Variants in PACRGL observed in about 807,000 individuals in gnomAD.
The protein encoded by PACRGL is parkin coregulated like.
A neutral mutation model predicts 34.5 loss-of-function variants in PACRGL; 38 were observed. The observed-to-expected ratio is 1.10, with a 90% confidence interval of 0.85 to 1.44. The LOEUF (loss-of-function observed/expected upper bound fraction) is 1.44, where lower values mean the gene tolerates loss of function less well. PACRGL is among the 40% of genes most tolerant of loss of function. The pLI is 0.00. For missense variants in PACRGL, 305 were observed against 281.4 expected (o/e 1.08, Z -0.60); for synonymous variants, 128 against 100.1 (o/e 1.28, Z -1.66).
chr4:20,743,906 A>G (rs1751780599), intron 8 of PACRGL, among the ~76,000 whole-genome samples: 1 of 151,288 alleles, frequency 6.6e-6, no homozygotes, highest in Admixed American at 6.6e-5. Context: ...TCTACAAAGA[A>G]ATTAAATTTA....
rs35039845 is a variant in PACRGL, at chr4:20,708,965, TAA to T, written c.276-702_276-701del. On this transcript the variant is annotated intron_variant, in intron 4 of 8. Coordinates refer to ENST00000503585, the MANE Select transcript of PACRGL (RefSeq NM_001258345.3). ...AACATGGAGGAACCCCATCTCTACT[TAA>T]AAAAAAAAAAAAAAATACAAAATTA... 9.8e-4 allele frequency among the ~76,000 whole-genome samples: 138 copies of T among 140,696 alleles called. 1 individual carries two copies. Among genetic ancestry groups the T allele is most frequent in the Non-Finnish European group, 1.3e-3 (82 of 64,726 alleles). 92.3% of individuals were successfully genotyped at this position (140,696 alleles called of 152,430 possible).
intron 8 of PACRGL, among the ~76,000 whole-genome samples, chr4:20,751,838 T>G (rs1271422914): frequency 6.6e-6 from 1 of 152,208 alleles, no homozygotes; most frequent in African/African-American, 2.4e-5. Flanking sequence ...CTTCTAAATG[T>G]GCCTCTGCAG....
Position 20,712,801 on chromosome 4 carries a change from C to CT in PACRGL, c.381dup (p.Lys128Ter), listed in dbSNP as rs1737937449. ...GGTCTTTGTCAGGGTCTGAGAGAGA[C>CT]TAAGCATCCATACACTTTTGTGTCA... is the stretch of plus-strand genomic sequence containing the variant. On this transcript the variant is annotated frameshift_variant, in exon 6 of 9. Transcript: ENST00000503585. LOFTEE classifies it high-confidence loss of function. 1 of 1,573,564 alleles carries CT rather than the reference C, an allele frequency of 6.4e-7. No individual in the cohort carries two copies.
In PACRGL at chr4:20,713,165, A is replaced by G. The variant is rs3815872; in HGVS notation, c.501+243A>G. 159,300 of 533,376 alleles carry G rather than the reference A, an allele frequency of 0.3. 25,393 individuals carry two copies. Among genetic ancestry groups the G allele is most frequent in the African/African-American group, 0.43 (22,490 of 51,994 alleles). The allele number at this position is 533,376 out of a possible 1,614,324, so 33.0% of individuals were successfully genotyped here. A position where few individuals can be genotyped will look rare whatever the true frequency, so the allele number is the denominator to read the frequency against. On this transcript the variant is annotated intron_variant, in intron 6 of 8. Coordinates refer to ENST00000503585, the MANE Select transcript of PACRGL (RefSeq NM_001258345.3). ...AGGGACATTTTAAGTAATTAGAGGA[A>G]GTAATGAACCTCAAATCAGCCTTTC...
intron 7 of PACRGL, among the ~76,000 whole-genome samples, chr4:20,715,231 C>T (rs1018216485): frequency 1.3e-5 from 2 of 152,116 alleles, no homozygotes; most frequent in Admixed American, 6.6e-5. Context: ...AATGAGAACA[C>T]ATGGACACAG....
intron 8 of PACRGL, among the ~76,000 whole-genome samples, chr4:20,738,063 G>A (rs564479782): frequency 7.2e-5 from 11 of 151,742 alleles, no homozygotes; most frequent in South Asian, 4.2e-4. Context: ...CCAGAAGGTC[G>A]AGGCTACAGT....
chr4:20,727,347 G>A lies in PACRGL; in HGVS notation c.*6G>A, dbSNP rs752450725. On this transcript the variant is annotated 3_prime_UTR_variant, in exon 9 of 9. Transcript: ENST00000503585. ...ACTGCTCCATATGCTGTTGAAGAAG[G>A]GAGCCAACAAAAATTGTTTTTTCTA... The A allele has an allele frequency of 6.8e-6, 11 of 1,609,108 alleles. No individual in the cohort carries two copies. Among genetic ancestry groups the A allele is most frequent in the Admixed American group, 3.3e-5 (2 of 59,882 alleles).
intron 7 of PACRGL, among the ~76,000 whole-genome samples, chr4:20,722,410 C>T (rs181453109): frequency 1.3e-5 from 2 of 152,308 alleles, no homozygotes; most frequent in Admixed American, 6.5e-5. Context: ...CTGTGTTTTG[C>T]GTCACTCACG....
chr4:20,743,494 A>G (rs1217077197), intron 8 of PACRGL, among the ~76,000 whole-genome samples: 3 of 152,218 alleles, frequency 2.0e-5, no homozygotes, highest in Non-Finnish European at 4.4e-5. Flanking sequence ...ATCTTTGACA[A>G]ACCTGACAGA....
At chr4:20,712,679 A>G in intron 5 of PACRGL, 109 bp from the exon 6 acceptor site, 1 of 995,188 alleles carries the variant, frequency 1.0e-6, no homozygotes, top group Non-Finnish European at 1.4e-6. Context: ...TGATTAGGAA[A>G]ACAATAATGA....
chr4:20,734,788 C>CAA, downstream of PACRGL: 1 of 919,486 alleles, frequency 1.1e-6, no homozygotes, highest in South Asian at 1.7e-5. Context: ...AAAACAAAAA[C>CAA]AAAAAAAACA....
intron 8 of PACRGL, among the ~76,000 whole-genome samples, chr4:20,743,419 G>A (rs1404421377): frequency 1.3e-5 from 2 of 152,092 alleles, no homozygotes; most frequent in African/African-American, 4.8e-5. Flanking sequence ...TACCAAAACA[G>A]AGATATAGAC....
At chr4:20,742,142 C>T (rs1464007456) in intron 8 of PACRGL, among the ~76,000 whole-genome samples, 1 of 152,118 alleles carries the variant, frequency 6.6e-6, no homozygotes, top group Non-Finnish European at 1.5e-5. Flanking sequence ...ACCAGAGGTA[C>T]AAAGAGGAGC....
chr4:20,760,298 T>TCC, the PACRGL span, among the ~76,000 whole-genome samples: 1 of 152,134 alleles, frequency 6.6e-6, no homozygotes, highest in African/African-American at 2.4e-5. Context: ...GTGTGCTAAC[T>TCC]CCCCAACAGA....
At position 20,751,733 on chromosome 4, in the gene PACRGL, A is replaced by G. The variant is rs149473757; in HGVS notation, c.*57-832A>G. ...ATAACATGGGTATATGATAATTACT[A>G]TTCTTCTCAAATGGAGTTTTTCTAG... On this transcript the variant is annotated intron_variant, in intron 8 of 8. Transcript: ENST00000507634. 4.2e-3 allele frequency among the ~76,000 whole-genome samples: 646 copies of G among 152,298 alleles called. 8 individuals carry two copies. The highest frequency in any genetic ancestry group is 0.012 in the Admixed American group (179 of 15,296).
chr4:20,764,074 TTC>T, the PACRGL span, among the ~76,000 whole-genome samples: 63 of 152,162 alleles, frequency 4.1e-4, no homozygotes, highest in Non-Finnish European at 8.1e-4. Context: ...CTCATCCATC[TTC>T]TGAGAATTTG....
chr4:20,703,804 A>C (rs1733357029), intron 1 of PACRGL, among the ~76,000 whole-genome samples: 1 of 152,212 alleles, frequency 6.6e-6, no homozygotes. Context: ...ACTGAGATGC[A>C]GACCCATATT....
At chr4:20,748,417 T>C (rs1383679235) in intron 8 of PACRGL, among the ~76,000 whole-genome samples, 2 of 151,942 alleles carry the variant, frequency 1.3e-5, no homozygotes, top group Non-Finnish European at 2.9e-5. Flanking sequence ...GCTTCCCTGC[T>C]ACAGCCCCTT....
chr4:20,723,549 T>C (rs1196268071), intron 7 of PACRGL, among the ~76,000 whole-genome samples: 1 of 152,092 alleles, frequency 6.6e-6, no homozygotes, highest in African/African-American at 2.4e-5. Flanking sequence ...GGAATCACAC[T>C]GGATCCTTCC....
Sources: gnomAD v4.1 joint callset for allele counts (sites outside exome capture counted in the v4.1 genomes callset) on GRCh38, gnomAD v4.1.1 for gene constraint, MANE v1.5 for transcripts, NCBI Gene and HGNC (gene_info 2026-07-23, HGNC 2026-07-21) for gene names.